The following CFH variants were observed in gnomAD, a reference collection of about 807,000 sequenced individuals.
CFH encodes the protein complement factor H.
CFH carries 53 observed loss-of-function variants against 147.3 expected under a neutral mutation model. The observed-to-expected ratio is 0.36, with a 90% CI of 0.29 to 0.45. The LOEUF (loss-of-function observed/expected upper bound fraction) is 0.45, where lower values mean the gene tolerates loss of function less well. Among genes scored for constraint, CFH ranks in the 20% least tolerant of loss-of-function variants. CFH has a pLI of 1.00. For synonymous variants in CFH, 536 were observed against 489.4 expected (o/e 1.10, Z -1.26); for missense variants, 1,380 against 1,498.0 (o/e 0.92, Z 1.30).
At chr1:196,738,571 C>T (rs1652673570) in intron 17 of CFH, among the ~76,000 whole-genome samples, 1 of 152,154 alleles carries the variant, frequency 6.6e-6, no homozygotes, top group Non-Finnish European at 1.5e-5. Flanking sequence ...AGTCATTAAA[C>T]CTTAAATTTC....
chr1:196,708,206 T>C (rs904913902), intron 9 of CFH, among the ~76,000 whole-genome samples: 1 of 152,162 alleles, frequency 6.6e-6, no homozygotes, highest in Non-Finnish European at 1.5e-5. Context: ...TGGAAGAAAC[T>C]TACCAGAATG....
At chr1:196,708,834 C>T (rs1008617023) in intron 9 of CFH, among the ~76,000 whole-genome samples, 2 of 152,124 alleles carry the variant, frequency 1.3e-5, no homozygotes, top group Admixed American at 6.6e-5. Context: ...AAGGGACTGC[C>T]AGGCATATAT....
At position 196,667,552 on chromosome 1, in the gene CFH, T is replaced by A. The variant is rs141017763; in HGVS notation, c.59-5426T>A. Among the ~76,000 whole-genome samples the A allele has an allele frequency of 1.8e-3, 275 of 152,308 alleles. 10 individuals carry two copies. The East Asian group carries it at 0.046, about 25-fold the overall frequency. On this transcript the variant is annotated intron_variant, in intron 1 of 21. Transcript: ENST00000367429. The stretch of plus-strand genomic sequence containing the variant: ...TACTTTTCTAGCATATTGGTTTTTA[T>A]CATTTACTCTCAATTTATATGTACA...
At chr1:196,739,358 A>G (rs1427691800) in intron 17 of CFH, among the ~76,000 whole-genome samples, 1 of 152,158 alleles carries the variant, frequency 6.6e-6, no homozygotes, top group East Asian at 1.9e-4. Flanking sequence ...CAAGCTGCAC[A>G]TTTTCCAAAC....
At chr1:196,677,030 A>G in intron 4 of CFH, 1 of 160,916 alleles carries the variant, frequency 6.2e-6, no homozygotes, top group South Asian at 1.7e-4. Context: ...GAACTACTCA[A>G]ATTATTTTAA....
intron 2 of CFH, chr1:196,673,538 A>G (rs563658979): frequency 7.9e-6 from 3 of 379,574 alleles, no homozygotes; most frequent in African/African-American, 4.2e-5. Flanking sequence ...GGTTTCACCA[A>G]TGCTGGGCAG....
chr1:196,688,962 T>G (rs1459838677), intron 7 of CFH, among the ~76,000 whole-genome samples: 1 of 152,084 alleles, frequency 6.6e-6, no homozygotes, highest in Non-Finnish European at 1.5e-5. Context: ...AAAATACTAC[T>G]TCCTTACATT....
chr1:196,714,012 G>T, intron 10 of CFH, 95 bp downstream of exon 10: 1 of 1,114,540 alleles, frequency 9.0e-7, no homozygotes, highest in Non-Finnish European at 1.3e-6. Flanking sequence ...AATTTCATTT[G>T]AAAAGATAAG....
intron 18 of CFH, 64 bp downstream of exon 18, chr1:196,740,856 C>G: frequency 1.3e-6 from 2 of 1,506,242 alleles, no homozygotes; most frequent in Non-Finnish European, 1.8e-6. Flanking sequence ...GTAAGTGGTA[C>G]CAATAAGAAA....
chr1:196,747,111 A>T lies in CFH; in HGVS notation c.3494A>T (p.His1165Leu). 5 of 1,613,832 alleles carry T rather than the reference A, an allele frequency of 3.1e-6. No homozygotes were observed. The highest frequency in any genetic ancestry group is 4.2e-6 in the Non-Finnish European group (5 of 1,179,814). ...TATGTTTACTGTTTTTTATTTTCAGATCCGTGTGTAATATCCCGAGAAATT... is the reference window on the plus strand; with the variant it reads ...TATGTTTACTGTTTTTTATTTTCAGTTCCGTGTGTAATATCCCGAGAAATT... ...GQWSEPPKCL[H>L]PCVISREIME... Residue 1165 changes from histidine (H) to leucine (L), a missense_variant and splice_region_variant, in exon 22 of 22, where the codon CAT (histidine) becomes CTT (leucine). By Grantham distance (99) the His-to-Leu change is moderately conservative. Coordinates refer to ENST00000367429, the MANE Select transcript of CFH (RefSeq NM_000186.4).
chr1:196,729,078 T>G (rs1056694508), intron 15 of CFH, among the ~76,000 whole-genome samples: 10 of 152,072 alleles, frequency 6.6e-5, no homozygotes, highest in Admixed American at 6.6e-4. Flanking sequence ...TAGGTTTTAT[T>G]CCAGTCTTCT....
chr1:196,687,607 A>G (rs34219315), intron 7 of CFH, among the ~76,000 whole-genome samples: 110 of 152,224 alleles, frequency 7.2e-4, no homozygotes, highest in African/African-American at 2.5e-3. Flanking sequence ...GTGAAATTCA[A>G]TTGAGGCCTT....
At position 196,685,155 on chromosome 1, in the gene CFH, T is replaced by C; in HGVS notation, c.882T>C (p.Cys294=). 1.9e-6 allele frequency: 3 copies of C among 1,613,020 alleles called. No individual in the cohort carries two copies. Among genetic ancestry groups the C allele is most frequent in the Non-Finnish European group, 2.5e-6 (3 of 1,179,276 alleles). The change falls in exon 7 of 22, where the codon TGT becomes TGC. Residue 294 remains cysteine (C), a synonymous_variant. Transcript: ENST00000367429. ...HRTGDEITYQ[C]RNGFYPATRG... is the part of the protein sequence containing the mutation. Reference sequence around the variant, plus strand: ...CTGGAGATGAAATCACGTACCAGTGTAGAAATGGTTTTTATCCTGCAACCC... The same window carrying C: ...CTGGAGATGAAATCACGTACCAGTGCAGAAATGGTTTTTATCCTGCAACCC...
At chr1:196,717,746 G>T (rs769806158) in intron 11 of CFH, among the ~76,000 whole-genome samples, 2 of 152,110 alleles carry the variant, frequency 1.3e-5, no homozygotes, top group Non-Finnish European at 2.9e-5. Context: ...AGCTGCAAAG[G>T]CTGAACACAT....
chr1:196,676,185 A>C (rs534021367), intron 4 of CFH, 120 bp downstream of exon 4: 2 of 624,528 alleles, frequency 3.2e-6, no homozygotes, highest in African/African-American at 1.9e-5. Context: ...TTTTTTTCTC[A>C]TACAATGTAG....
rs777588011 is a variant in CFH, at chr1:196,740,675, G to C, written c.2839G>C (p.Asp947His). 2.4e-5 allele frequency: 38 copies of C among 1,613,760 alleles called. No homozygotes were observed. The highest frequency in any genetic ancestry group is 3.1e-5 in the Non-Finnish European group (36 of 1,179,952). The change falls in exon 18 of 22, where the codon GAC becomes CAC. Residue 947 changes from aspartate to histidine, a missense_variant. This residue lies in a region of CFH where 830 missense variants were observed against 821.4 expected (regional missense o/e 1.01). Transcript: ENST00000367429. ...ISHGVVAHMS[D>H]SYQYGEEVTY... ...TCATGGTGTTGTAGCTCACATGTCAGACAGTTATCAGTATGGAGAAGAAGT... is the reference window on the plus strand; with the variant it reads ...TCATGGTGTTGTAGCTCACATGTCACACAGTTATCAGTATGGAGAAGAAGT...
chr1:196,658,849 C>T (rs1440067245), intron 1 of CFH, among the ~76,000 whole-genome samples: 1 of 152,164 alleles, frequency 6.6e-6, no homozygotes, highest in Non-Finnish European at 1.5e-5. Flanking sequence ...GGATTATAAG[C>T]ATGACCCACT....
intron 21 of CFH, 77 bp downstream of exon 21, chr1:196,746,076 T>G (rs1291712636): frequency 3.1e-6 from 5 of 1,605,220 alleles, no homozygotes; most frequent in Admixed American, 3.3e-5. Flanking sequence ...AACAAAATAC[T>G]CACAGATTAT....
At chr1:196,736,714 A>G (rs1325700095) in intron 15 of CFH, 110 bp from the exon 16 acceptor site, 1 of 433,768 alleles carries the variant, frequency 2.3e-6, no homozygotes, top group Admixed American at 4.9e-5. Flanking sequence ...TGATCTTTCT[A>G]TTTATTCTAT....
Sources: gnomAD v4.1 joint callset for allele counts (sites outside exome capture counted in the v4.1 genomes callset) on GRCh38, gnomAD v4.1.1 for gene constraint, gnomAD v4.1.1 regional missense constraint, MANE v1.5 for transcripts, NCBI Gene and HGNC (gene_info 2026-07-23, HGNC 2026-07-21) for gene names.